Variants in RAB3IL1 observed in about 807,000 individuals in gnomAD.
RAB3IL1 encodes guanine nucleotide exchange factor for Rab-3A.
In RAB3IL1, 37 loss-of-function variants were observed where a neutral mutation model predicts 49.2. The ratio of observed to expected loss-of-function variants is 0.75; its 90% confidence interval spans 0.58 to 0.99. RAB3IL1 has a LOEUF of 0.99. Among genes scored for constraint, RAB3IL1 ranks in the 50% least tolerant of loss-of-function variants. The probability of loss-of-function intolerance (pLI) is 0.00; values close to 1 mark genes in which losing one functional copy is unlikely to be tolerated. For synonymous variants in RAB3IL1, 193 were observed against 213.9 expected (o/e 0.90, Z 0.85); for missense variants, 484 against 513.0 (o/e 0.94, Z 0.55).
intron 8 of RAB3IL1, among the ~76,000 whole-genome samples, chr11:61,900,717 T>G (rs1938867917): frequency 6.6e-6 from 1 of 152,120 alleles, no homozygotes; most frequent in Non-Finnish European, 1.5e-5. Flanking sequence ...GTCTTGGTCT[T>G]TCAGGGCAGG....
chr11:61,920,642 G>A (rs998414173), upstream of RAB3IL1, among the ~76,000 whole-genome samples: 6 of 152,256 alleles, frequency 3.9e-5, no homozygotes, highest in African/African-American at 1.4e-4. Flanking sequence ...CTTTGTTATT[G>A]GTGGGGCGCG....
At chr11:61,944,028 C>T in the RAB3IL1 span, among the ~76,000 whole-genome samples, 1 of 152,144 alleles carries the variant, frequency 6.6e-6, no homozygotes, top group Non-Finnish European at 1.5e-5. Context: ...TTAAATCTCT[C>T]TTATAGTTGT....
At chr11:61,904,719 G>A in intron 6 of RAB3IL1, 35 bp downstream of exon 6, 1 of 1,579,550 alleles carries the variant, frequency 6.3e-7, no homozygotes, top group East Asian at 2.3e-5. Flanking sequence ...GGAGGGGTGT[G>A]TCCCCCAGCT....
chr11:61,903,803 G>C (rs1451604505), intron 7 of RAB3IL1, among the ~76,000 whole-genome samples: 1 of 152,102 alleles, frequency 6.6e-6, no homozygotes, highest in African/African-American at 2.4e-5. Flanking sequence ...GGGATTACAG[G>C]TGTGAGCCAC....
chr11:61,923,910 G>C (rs1591246642), upstream of RAB3IL1, among the ~76,000 whole-genome samples: 1 of 152,206 alleles, frequency 6.6e-6, no homozygotes, highest in Admixed American at 6.5e-5. Flanking sequence ...GGGCCTGGAG[G>C]CTCCCTGCTC....
At chr11:61,901,667 G>C (rs1209446443) in intron 8 of RAB3IL1, among the ~76,000 whole-genome samples, 2 of 152,148 alleles carry the variant, frequency 1.3e-5, no homozygotes. Flanking sequence ...AGGGGACTGC[G>C]GGTGTCCTCT....
chr11:61,925,973 T>G, the RAB3IL1 span, among the ~76,000 whole-genome samples: 1 of 152,012 alleles, frequency 6.6e-6, no homozygotes, highest in Admixed American at 6.6e-5. Flanking sequence ...AAAATAGAAG[T>G]GAACACTTAT....
chr11:61,917,057 G>A (rs560872549), intron 1 of RAB3IL1, among the ~76,000 whole-genome samples: 1 of 152,162 alleles, frequency 6.6e-6, no homozygotes, highest in South Asian at 2.1e-4. Context: ...CCAGAGTCGT[G>A]CACACTCTTC....
rs1939221353 is a variant in RAB3IL1 at position 61,906,903 on chromosome 11, C to T, written c.439-219G>A. On this transcript the variant is annotated intron_variant, in intron 4 of 9. Coordinates refer to ENST00000394836, the MANE Select transcript of RAB3IL1 (RefSeq NM_013401.4). The surrounding 1 kb of genome is among the most constrained non-coding windows in gnomAD (Gnocchi z 4.6). ...AGGCGACATGGCCTGCCCAAGGTCA[C>T]TCTGTGAGCAGGATTCTGTTAGGAA... Among the ~76,000 whole-genome samples the T allele has an allele frequency of 6.6e-6, 1 of 152,244 alleles. No individual in the cohort carries two copies. Among genetic ancestry groups the T allele is most frequent in the Non-Finnish European group, 1.5e-5 (1 of 68,046 alleles).
chr11:61,934,446 GTATGTATATATATATATATATATATATA>G, the RAB3IL1 span, among the ~76,000 whole-genome samples: 1 of 24,408 alleles, frequency 4.1e-5, no homozygotes, highest in African/African-American at 8.1e-5. Flanking sequence ...GTGTGTGTGT[GTATGTATATATATATATATATATATATA>G]TATATATATA....
chr11:61,941,548 C>T, the RAB3IL1 span, among the ~76,000 whole-genome samples: 8 of 152,034 alleles, frequency 5.3e-5, no homozygotes, highest in South Asian at 2.1e-4. Flanking sequence ...GTCAGGAGAT[C>T]GAGACCATCC....
chr11:61,935,603 C>T, the RAB3IL1 span, among the ~76,000 whole-genome samples: 1 of 151,964 alleles, frequency 6.6e-6, no homozygotes, highest in Non-Finnish European at 1.5e-5. Flanking sequence ...CAACCCCCAC[C>T]TCCCAGGTTC....
At position 61,898,494 on chromosome 11, in the gene RAB3IL1, G is replaced by A; in HGVS notation, c.1067-134C>T. 2 of 713,584 alleles carry A rather than the reference G, an allele frequency of 2.8e-6. No individual in the cohort carries two copies. The highest frequency in any genetic ancestry group is 3.2e-5 in the South Asian group (2 of 61,876). 44.2% of individuals were successfully genotyped at this position (713,584 alleles called of 1,614,324 possible). ...AGGGTCCCCGGCCCCCAAAACAGAT[G>A]ACCTCAGTGAGTGGCTGGACCTCTC... On this transcript the variant is annotated intron_variant, in intron 9 of 9. Coordinates refer to ENST00000394836, the MANE Select transcript of RAB3IL1 (RefSeq NM_013401.4). The surrounding 1 kb of genome is among the most constrained non-coding windows in gnomAD (Gnocchi z 5.1).
the RAB3IL1 span, among the ~76,000 whole-genome samples, chr11:61,936,809 A>G: frequency 6.6e-6 from 1 of 152,240 alleles, no homozygotes. Context: ...TAAGATTTCT[A>G]TATCTATCTA....
rs745928072 is a variant in RAB3IL1, at chr11:61,906,508, G to T, written c.615C>A (p.Pro205=). The part of the protein sequence containing the change: ...TSSTLCPAVC[P]AAGHTLTPDR... The stretch of plus-strand genomic sequence containing the variant: ...CTGGGGTGAGGGTGTGTCCCGCAGC[G>T]GGACACACGGCGGGGCAGAGGGTGC... The change falls in exon 5 of 10, where the codon CCC becomes CCA. Residue 205 remains proline, a synonymous_variant. Transcript: ENST00000394836. This position sits in a 1 kb window ranked among gnomAD's most constrained non-coding sequence, Gnocchi z 4.6. 24 of 1,552,284 alleles carry T rather than the reference G, an allele frequency of 1.5e-5. No homozygotes were observed. Among genetic ancestry groups the T allele is most frequent in the East Asian group, 2.4e-5 (1 of 41,644 alleles).
At chr11:61,931,177 C>A in the RAB3IL1 span, among the ~76,000 whole-genome samples, 2 of 152,166 alleles carry the variant, frequency 1.3e-5, no homozygotes, top group African/African-American at 4.8e-5. Flanking sequence ...TGGCCAACTG[C>A]CCCTTTCTTA....
Position 61,904,005 on chromosome 11 carries a change from C to T in RAB3IL1, c.899+541G>A, listed in dbSNP as rs1349390092. On this transcript the variant is annotated intron_variant, in intron 7 of 9. Transcript: ENST00000394836. Reference sequence around the variant, plus strand: ...CAGCTTCTCACACCTTTGCACATTCCGTTCCCTCTGCCTGAAATGCCCTTC... The same window carrying T: ...CAGCTTCTCACACCTTTGCACATTCTGTTCCCTCTGCCTGAAATGCCCTTC... Among the ~76,000 whole-genome samples the T allele has an allele frequency of 4.6e-5, 7 of 151,950 alleles. No individual in the cohort carries two copies. The South Asian group carries it at 6.3e-4, about 14-fold the overall frequency.
At chr11:61,915,450 C>G (rs1267295429) in intron 1 of RAB3IL1, among the ~76,000 whole-genome samples, 3 of 152,140 alleles carry the variant, frequency 2.0e-5, no homozygotes, top group Non-Finnish European at 4.4e-5. Flanking sequence ...GCGATCACTC[C>G]CACCCCAGAA....
At position 61,907,411 on chromosome 11, in the gene RAB3IL1, C is replaced by T. The variant is rs1939247408; in HGVS notation, c.420G>A (p.Leu140=). The part of the protein sequence containing the change: ...NMKQAASEKQ[L]KEARGKIDML... ...GCCTCACCTTGCCCCGAGCCTCCTT[C>T]AGCTGCTTTTCTGATGCCGCCTGCT... Residue 140 remains leucine (L), a synonymous_variant, in exon 4 of 10, where the codon CTG becomes CTA. Coordinates refer to ENST00000394836, the MANE Select transcript of RAB3IL1 (RefSeq NM_013401.4). 6.2e-7 allele frequency: 1 copy of T among 1,613,958 alleles called. No individual in the cohort carries two copies. Among genetic ancestry groups the T allele is most frequent in the Non-Finnish European group, 8.5e-7 (1 of 1,180,026 alleles).
Sources: gnomAD v4.1 joint callset for allele counts (sites outside exome capture counted in the v4.1 genomes callset) on GRCh38, gnomAD v4.1.1 for gene constraint, Gnocchi (gnomAD v3.1) non-coding constraint, MANE v1.5 for transcripts, NCBI Gene and HGNC (gene_info 2026-07-23, HGNC 2026-07-21) for gene names.